Variants in LCP1 observed in about 807,000 individuals in gnomAD.
The protein encoded by LCP1 is plastin-2.
A neutral mutation model predicts 72.0 loss-of-function variants in LCP1; 23 were observed. The observed-to-expected ratio is 0.32, with a 90% CI of 0.23 to 0.45. The LOEUF (loss-of-function observed/expected upper bound fraction) is 0.45, where lower values mean the gene tolerates loss of function less well. Ranked by LOEUF, LCP1 falls within the 20% of genes least tolerant of loss-of-function variation. LCP1 has a pLI of 1.00. For synonymous variants in LCP1, 245 were observed against 275.4 expected, an observed-to-expected ratio of 0.89 and a Z score of 1.09; for missense variants, 571 against 748.3, an observed-to-expected ratio of 0.76 and a Z score of 2.76.
At chr13:46,179,527 A>G (rs767946622) in intron 1 of LCP1, among the ~76,000 whole-genome samples, 9 of 152,234 alleles carry the variant, frequency 5.9e-5, no homozygotes, top group South Asian at 2.1e-4. Flanking sequence ...AGATCAAAGC[A>G]TTGAGCAAAT....
intron 15 of LCP1, among the ~76,000 whole-genome samples, chr13:46,130,571 A>ACATT (rs1386647191): frequency 6.8e-6 from 1 of 146,172 alleles, no homozygotes; most frequent in Non-Finnish European, 1.5e-5. Context: ...TTACAAGAAT[A>ACATT]CTCTCATTAT....
intron 1 of LCP1, among the ~76,000 whole-genome samples, chr13:46,177,754 G>A (rs555675788): frequency 3.3e-5 from 5 of 152,224 alleles, no homozygotes; most frequent in African/African-American, 1.2e-4. Context: ...GTTTTTGAGG[G>A]TGGAGATCAT....
In LCP1 at chr13:46,154,812, G is replaced by A. The variant is rs1440036072; in HGVS notation, c.566C>T (p.Thr189Ile). ...TINKKKLTPF[T>I]IQENLNLALN... ...AACGGTGGGAAGACATACCTGAATGGTGAAAGGGGTTAGCTTCTTTTTGTT... is the reference window on the plus strand; with the variant it reads ...AACGGTGGGAAGACATACCTGAATGATGAAAGGGGTTAGCTTCTTTTTGTT... The change falls in exon 6 of 16, where the codon ACC (threonine) becomes ATC (isoleucine). Residue 189 changes from threonine (T) to isoleucine (I), a missense_variant. Coordinates refer to ENST00000323076, the MANE Select transcript of LCP1 (RefSeq NM_002298.5). The A allele has an allele frequency of 1.9e-6, 3 of 1,613,118 alleles. No individual in the cohort carries two copies. Among genetic ancestry groups the A allele is most frequent in the Non-Finnish European group, 2.5e-6 (3 of 1,179,190 alleles).
intron 13 of LCP1, 98 bp downstream of exon 13, chr13:46,142,194 T>C (rs1317180839): frequency 8.0e-7 from 1 of 1,242,376 alleles, no homozygotes; most frequent in African/African-American, 1.5e-5. Context: ...GCTTAAAACA[T>C]ACTTTTACTG....
At chr13:46,147,380 G>A (rs2045737427) in intron 9 of LCP1, among the ~76,000 whole-genome samples, 1 of 152,142 alleles carries the variant, frequency 6.6e-6, no homozygotes, top group Admixed American at 6.6e-5. Flanking sequence ...AAGAGATGCA[G>A]TAGATTCTGA....
At chr13:46,180,445 G>C (rs1329931511) in intron 1 of LCP1, among the ~76,000 whole-genome samples, 1 of 152,170 alleles carries the variant, frequency 6.6e-6, no homozygotes, top group African/African-American at 2.4e-5. Context: ...CACTGAAATT[G>C]TTTCCCAAAT....
At chr13:46,136,428 C>T (rs1013549899) in intron 13 of LCP1, among the ~76,000 whole-genome samples, 1 of 152,106 alleles carries the variant, frequency 6.6e-6, no homozygotes, top group Non-Finnish European at 1.5e-5. Context: ...CTGCCTAGCA[C>T]TACTGGACAT....
At chr13:46,131,962 T>C (rs773707722) in intron 14 of LCP1, among the ~76,000 whole-genome samples, 4 of 151,218 alleles carry the variant, frequency 2.6e-5, no homozygotes, top group Non-Finnish European at 5.9e-5. Flanking sequence ...CATCACACAA[T>C]ATACCCTTGT....
intron 14 of LCP1, 57 bp from the exon 15 acceptor site, chr13:46,130,995 G>A: frequency 6.6e-7 from 1 of 1,508,922 alleles, no homozygotes; most frequent in South Asian, 1.4e-5. Flanking sequence ...CTCCCATTCA[G>A]CTCAAAGGAA....
chr13:46,127,060 C>T lies in LCP1; in HGVS notation c.*531G>A, dbSNP rs1362223196. ...GACGGCCAGAAGAGATGGGCCCCCCCGGAAGGCATGGTTCCAAAAGTGTGA... is the reference window on the plus strand; with the variant it reads ...GACGGCCAGAAGAGATGGGCCCCCCTGGAAGGCATGGTTCCAAAAGTGTGA... On this transcript the variant is annotated 3_prime_UTR_variant, in exon 16 of 16. Coordinates refer to ENST00000323076, the MANE Select transcript of LCP1 (RefSeq NM_002298.5). 11 of 230,884 alleles carry T rather than the reference C, an allele frequency of 4.8e-5. No homozygotes were observed. The highest frequency in any genetic ancestry group is 6.9e-5 in the Non-Finnish European group (8 of 116,764). 14.3% of individuals were successfully genotyped at this position (230,884 alleles called of 1,614,324 possible).
intron 1 of LCP1, among the ~76,000 whole-genome samples, chr13:46,164,290 G>T (rs2045864446): frequency 6.6e-6 from 1 of 152,064 alleles, no homozygotes; most frequent in Non-Finnish European, 1.5e-5. Context: ...ACAGTGTTGG[G>T]TAAAAAAAGA....
At chr13:46,128,179 G>A (rs1446678330) in intron 15 of LCP1, among the ~76,000 whole-genome samples, 2 of 151,904 alleles carry the variant, frequency 1.3e-5, no homozygotes, top group Admixed American at 6.6e-5. Flanking sequence ...TATTCTCTTG[G>A]GCTACATAGC....
chr13:46,159,191 A>G lies in LCP1; in HGVS notation c.65-202T>C, dbSNP rs548697520. ...CACCAGCATTACTTTCAACATCCACAGTAAAAGAGTCATAATTTCTATAAG... is the reference window on the plus strand; with the variant it reads ...CACCAGCATTACTTTCAACATCCACGGTAAAAGAGTCATAATTTCTATAAG... On this transcript the variant is annotated intron_variant, in intron 2 of 15. Coordinates refer to ENST00000323076, the MANE Select transcript of LCP1 (RefSeq NM_002298.5). The G allele has an allele frequency of 7.0e-6, 4 of 572,574 alleles. No individual in the cohort carries two copies. In the South Asian group the frequency reaches 9.3e-5, roughly 13 times the overall value. 35.5% of individuals were successfully genotyped at this position (572,574 alleles called of 1,614,324 possible). A position where few individuals can be genotyped will look rare whatever the true frequency, so the allele number is the denominator to read the frequency against.
chr13:46,147,623 C>T (rs1345068450), intron 9 of LCP1, among the ~76,000 whole-genome samples: 2 of 152,116 alleles, frequency 1.3e-5, no homozygotes, highest in African/African-American at 4.8e-5. Flanking sequence ...TAAATTTTAT[C>T]AGTTAACCTA....
intron 10 of LCP1, among the ~76,000 whole-genome samples, chr13:46,145,480 C>T (rs1403721596): frequency 6.6e-6 from 1 of 151,606 alleles, no homozygotes; most frequent in East Asian, 1.9e-4. Flanking sequence ...GAAAATGTTC[C>T]AAAGGAAGAA....
In LCP1 at chr13:46,154,128, T is replaced by C. The variant is rs560041112; in HGVS notation, c.573+677A>G. On this transcript the variant is annotated intron_variant, in intron 6 of 15. Coordinates refer to ENST00000323076, the MANE Select transcript of LCP1 (RefSeq NM_002298.5). The stretch of plus-strand genomic sequence containing the variant: ...CTGTTTCTATATATGGTCAAGATTA[T>C]GAGTAAATTTAACATTAAGTGCATT... 3.3e-5 allele frequency among the ~76,000 whole-genome samples: 5 copies of C among 152,356 alleles called. No individual in the cohort carries two copies. In the South Asian group the frequency reaches 8.3e-4, roughly 25 times the overall value.
At chr13:46,171,957 C>T (rs1954328130) in intron 1 of LCP1, among the ~76,000 whole-genome samples, 1 of 152,258 alleles carries the variant, frequency 6.6e-6, no homozygotes, top group Admixed American at 6.5e-5. Context: ...ACTTTTCGTA[C>T]ATGTGGGTAC....
chr13:46,144,507 T>C lies in LCP1; in HGVS notation c.1188A>G (p.Glu396=). 1 of 1,613,554 alleles carries C rather than the reference T, an allele frequency of 6.2e-7. No individual in the cohort carries two copies. Among genetic ancestry groups the C allele is most frequent in the Non-Finnish European group, 8.5e-7 (1 of 1,179,428 alleles). The change falls in exon 11 of 16, where the codon GAA becomes GAG. Residue 396 remains glutamate, a synonymous_variant. Transcript: ENST00000323076. ...TCATCCAGTTCCTAAATGTCCGCTC[T>C]TCTCTCGTCTCACCTAGATGAATGA... ...DWGALEGETR[E]ERTFRNWMNS...
rs767211358 is a variant in LCP1 at position 46,144,426 on chromosome 13, T to C, written c.1253+16A>G. On this transcript the variant is annotated intron_variant, in intron 11 of 15. Transcript: ENST00000323076. The stretch of plus-strand genomic sequence containing the variant: ...GTCTCTATCTTACATTAGAATGAGT[T>C]CCCAAATATTCCTACCTGTACAAAT... 2 of 1,592,320 alleles carry C rather than the reference T, an allele frequency of 1.3e-6. No homozygotes were observed. Among genetic ancestry groups the C allele is most frequent in the Admixed American group, 3.3e-5 (2 of 59,722 alleles).
Sources: gnomAD v4.1 joint callset for allele counts (sites outside exome capture counted in the v4.1 genomes callset) on GRCh38, gnomAD v4.1.1 for gene constraint, MANE v1.5 for transcripts, NCBI Gene and HGNC (gene_info 2026-07-23, HGNC 2026-07-21) for gene names.